The following CDH8 variants were observed in gnomAD, a reference collection of about 807,000 sequenced individuals.
CDH8 encodes the protein cadherin 8, also known as cadherin-8.
In CDH8, 17 loss-of-function variants were observed where a neutral mutation model predicts 68.1. The observed-to-expected ratio is 0.25, with a 90% CI of 0.17 to 0.37. The LOEUF (loss-of-function observed/expected upper bound fraction) is 0.37. CDH8 is among the 10% of genes least tolerant of loss of function. The probability of loss-of-function intolerance (pLI) is 1.00; values close to 1 mark genes in which losing one functional copy is unlikely to be tolerated. For missense variants in CDH8, 763 were observed against 999.3 expected, an observed-to-expected ratio of 0.76 and a Z score of 3.19; for synonymous variants, 372 against 365.1, an observed-to-expected ratio of 1.02 and a Z score of -0.21.
chr16:61,812,281 G>C (rs1167268111), intron 7 of CDH8, among the ~76,000 whole-genome samples: 3 of 152,148 alleles, frequency 2.0e-5, no homozygotes, highest in Non-Finnish European at 4.4e-5. Context: ...TGGTAACTCA[G>C]GTGAATTATA....
At chr16:61,674,042 G>A (rs1383428765) in intron 10 of CDH8, among the ~76,000 whole-genome samples, 1 of 152,074 alleles carries the variant, frequency 6.6e-6, no homozygotes, top group Non-Finnish European at 1.5e-5. Flanking sequence ...GACTATCATA[G>A]GGTTGGAAAC....
intron 8 of CDH8, chr16:61,743,215 T>TA: frequency 6.6e-6 from 1 of 152,310 alleles, no homozygotes; most frequent in Non-Finnish European, 1.5e-5. Flanking sequence ...GAAGCTCGAC[T>TA]ACCCTACGTT....
chr16:61,833,242 G>A (rs924235904), intron 4 of CDH8, among the ~76,000 whole-genome samples: 4 of 151,226 alleles, frequency 2.6e-5, no homozygotes, highest in African/African-American at 9.7e-5. Context: ...TTATAAAGAT[G>A]CACATATATA....
intron 2 of CDH8, among the ~76,000 whole-genome samples, chr16:62,008,652 T>C (rs1177132861): frequency 2.0e-5 from 3 of 152,036 alleles, no homozygotes; most frequent in Non-Finnish European, 4.4e-5. Context: ...TAGGCATGAG[T>C]CACAGTCTTA....
At chr16:61,871,983 C>A (rs757961597) in intron 3 of CDH8, among the ~76,000 whole-genome samples, 1 of 152,062 alleles carries the variant, frequency 6.6e-6, no homozygotes, top group African/African-American at 2.4e-5. Context: ...CTCTGCTCTG[C>A]ATGAATGGTT....
intron 2 of CDH8, among the ~76,000 whole-genome samples, chr16:61,942,234 C>T (rs567199357): frequency 6.6e-6 from 1 of 152,262 alleles, no homozygotes; most frequent in South Asian, 2.1e-4. Flanking sequence ...TGGCTCACAC[C>T]TGTAATCCCA....
chr16:61,865,267 T>C (rs1045828071), intron 3 of CDH8, among the ~76,000 whole-genome samples: 9 of 152,220 alleles, frequency 5.9e-5, no homozygotes, highest in African/African-American at 1.9e-4. Context: ...TTACATATTT[T>C]ATTCTGGAGA....
chr16:61,761,986 G>A (rs1960482383), intron 8 of CDH8, among the ~76,000 whole-genome samples: 1 of 152,116 alleles, frequency 6.6e-6, no homozygotes, highest in Non-Finnish European at 1.5e-5. Context: ...GGACAACAGA[G>A]CAAGACTTTG....
intron 8 of CDH8, among the ~76,000 whole-genome samples, chr16:61,782,655 G>A: frequency 6.6e-6 from 1 of 152,076 alleles, no homozygotes; most frequent in Non-Finnish European, 1.5e-5. Flanking sequence ...CAAACAAAAA[G>A]ACAGCAGTAA....
intron 2 of CDH8, among the ~76,000 whole-genome samples, chr16:61,979,814 T>C (rs887005228): frequency 6.6e-5 from 10 of 152,208 alleles, no homozygotes; most frequent in African/African-American, 2.4e-4. Flanking sequence ...TTATGCCAGA[T>C]ACTGCGATAC....
intron 10 of CDH8, among the ~76,000 whole-genome samples, chr16:61,675,830 GAAGTTA>G (rs1348247210): frequency 1.3e-5 from 2 of 151,028 alleles, no homozygotes; most frequent in African/African-American, 4.8e-5. Flanking sequence ...AATATTACTT[GAAGTTA>G]AAGTTTGATA....
chr16:61,715,536 A>C (rs925474907), intron 9 of CDH8, among the ~76,000 whole-genome samples: 1 of 151,398 alleles, frequency 6.6e-6, no homozygotes, highest in Admixed American at 6.6e-5. Context: ...GTTCAATAAA[A>C]TTTTAGTCAT....
chr16:61,654,664 A>G (rs1039794808), intron 11 of CDH8, among the ~76,000 whole-genome samples: 3 of 152,310 alleles, frequency 2.0e-5, no homozygotes, highest in Non-Finnish European at 4.4e-5. Context: ...GAATGTGAGA[A>G]AAGGGCAAGG....
At position 61,901,248 on chromosome 16, in the gene CDH8, T is replaced by A; in HGVS notation, c.478A>T (p.Ile160Phe). The A allele has an allele frequency of 6.2e-7, 1 of 1,614,038 alleles. No homozygotes were observed. ...PSEFIIKVQDINDNAPEFLNG... is the reference protein window; with the variant it reads ...PSEFIIKVQDFNDNAPEFLNG... ...AGAAACTCTGGTGCATTGTCATTGA[T>A]GTCTTGAACTTTAATAATAAATTCA... The change falls in exon 3 of 12, where the codon ATC (isoleucine) becomes TTC (phenylalanine). Residue 160 changes from isoleucine (I) to phenylalanine (F), a missense_variant. This residue lies in a region of CDH8 where 366 missense variants were observed against 563.1 expected (regional missense o/e 0.65). Coordinates refer to ENST00000577390, the MANE Select transcript of CDH8 (RefSeq NM_001796.5).
intron 2 of CDH8, among the ~76,000 whole-genome samples, chr16:61,987,665 T>C (rs1173760253): frequency 6.6e-6 from 1 of 152,106 alleles, no homozygotes; most frequent in Non-Finnish European, 1.5e-5. Context: ...CATAGTCTCA[T>C]ACTTCTCTCA....
In CDH8 at chr16:61,650,706, T is replaced by TGTGTGTGAGAGAGAGAGAGAGAGAGA. The variant is rs745949180; in HGVS notation, c.*2901_*2902insTCTCTCTCTCTCTCTCTCTCACACAC. On this transcript the variant is annotated 3_prime_UTR_variant, in exon 12 of 12. Transcript: ENST00000577390. Reference sequence around the variant, plus strand: ...GTGTGTGTGTGTGTGTGTGTGTGTGTGAGAGAGAGAGAGAGAGAGAGAGAG... The same window carrying TGTGTGTGAGAGAGAGAGAGAGAGAGA: ...GTGTGTGTGTGTGTGTGTGTGTGTGTGTGTGTGAGAGAGAGAGAGAGAGAGAGAGAGAGAGAGAGAGAGAGAGAGAG... The TGTGTGTGAGAGAGAGAGAGAGAGAGA allele has an allele frequency of 8.6e-6, 1 of 116,594 alleles. No homozygotes were observed. Among genetic ancestry groups the TGTGTGTGAGAGAGAGAGAGAGAGAGA allele is most frequent in the African/African-American group, 3.4e-5 (1 of 29,792 alleles). 7.2% of individuals were successfully genotyped at this position (116,594 alleles called of 1,614,324 possible).
At chr16:61,779,425 ATGTGTGTG>A (rs10539934) in intron 8 of CDH8, among the ~76,000 whole-genome samples, 63 of 139,110 alleles carry the variant, frequency 4.5e-4, no homozygotes, top group East Asian at 9.0e-4. Flanking sequence ...ATGTTCGTTT[ATGTGTGTG>A]TGTGTGTGTG....
chr16:61,889,087 G>A (rs547812919), intron 3 of CDH8, among the ~76,000 whole-genome samples: 10 of 152,174 alleles, frequency 6.6e-5, no homozygotes, highest in Non-Finnish European at 1.5e-4. Flanking sequence ...GGATGGGGAT[G>A]TATATGAGAT....
At chr16:61,777,574 A>T (rs762043224) in intron 8 of CDH8, among the ~76,000 whole-genome samples, 1 of 152,138 alleles carries the variant, frequency 6.6e-6, no homozygotes, top group African/African-American at 2.4e-5. Flanking sequence ...TCCATTCTCA[A>T]TCCACGTGTT....
Sources: allele counts gnomAD v4.1 joint callset (sites outside exome capture counted in the v4.1 genomes callset), GRCh38; gene constraint gnomAD v4.1.1; regional missense constraint gnomAD v4.1.1; transcripts MANE v1.5; gene names NCBI Gene and HGNC (gene_info 2026-07-23, HGNC 2026-07-21).